MAGI3: variants seen among roughly 807,000 people sequenced by gnomAD.
MAGI3 encodes the protein membrane associated guanylate kinase, WW and PDZ domain containing 3, also known as membrane-associated guanylate kinase, WW and PDZ domain-containing protein 3.
In MAGI3, 43 loss-of-function variants were observed where a neutral mutation model predicts 121.8. That is an observed-to-expected ratio of 0.35 (90% CI 0.28 to 0.46). The LOEUF is 0.46. Ranked by LOEUF, MAGI3 falls within the 20% of genes least tolerant of loss-of-function variation. The pLI is 1.00. For missense variants in MAGI3, 1,547 were observed against 1,797.3 expected, an observed-to-expected ratio of 0.86 and a Z score of 2.52; for synonymous variants, 553 against 639.3, an observed-to-expected ratio of 0.86 and a Z score of 2.04.
chr1:113,508,868 C>T (rs1657475085), intron 1 of MAGI3, among the ~76,000 whole-genome samples: 1 of 151,898 alleles, frequency 6.6e-6, no homozygotes, highest in South Asian at 2.1e-4. Context: ...TTGGATGTTG[C>T]CATTGCTGTT....
In MAGI3 at chr1:113,559,549, C is replaced by G. The variant is rs563253764; in HGVS notation, c.433+9918C>G. On this transcript the variant is annotated intron_variant, in intron 2 of 20. Transcript: ENST00000307546. ...TATATATGCTCCCGATACAGGAGCACCCAGATTCATAAAGTTCCTTTTTTT... is the reference window on the plus strand; with the variant it reads ...TATATATGCTCCCGATACAGGAGCAGCCAGATTCATAAAGTTCCTTTTTTT... Among the ~76,000 whole-genome samples, 19 of 152,136 alleles carry G rather than the reference C, an allele frequency of 1.2e-4. No homozygotes were observed. In the South Asian group the frequency reaches 4.0e-3, roughly 32 times the overall value.
At chr1:113,434,926 T>C (rs556900938) in intron 1 of MAGI3, among the ~76,000 whole-genome samples, 6 of 152,322 alleles carry the variant, frequency 3.9e-5, no homozygotes, top group African/African-American at 1.4e-4. Flanking sequence ...CCCCAAACCA[T>C]TTTTTATCCA....
At chr1:113,631,808 G>A (rs1034938885) in intron 9 of MAGI3, among the ~76,000 whole-genome samples, 21 of 152,154 alleles carry the variant, frequency 1.4e-4, no homozygotes, top group African/African-American at 4.6e-4. Context: ...TTTTTACAAA[G>A]TAGTGTAAAC....
At chr1:113,519,010 C>T (rs1011771595) in intron 1 of MAGI3, among the ~76,000 whole-genome samples, 1 of 152,096 alleles carries the variant, frequency 6.6e-6, no homozygotes, top group Non-Finnish European at 1.5e-5. Flanking sequence ...CTACGAACTA[C>T]ACATTATTTT....
chr1:113,614,546 A>T, intron 6 of MAGI3, 55 bp from the exon 7 acceptor site: 1 of 1,304,460 alleles, frequency 7.7e-7, no homozygotes, highest in Non-Finnish European at 1.1e-6. Context: ...TCACTGGTGA[A>T]TTCTTTTCTG....
Position 113,649,271 on chromosome 1 carries a change from AAAAC to A in MAGI3, c.2193_2196del (p.Gln732SerfsTer9). On this transcript the variant is annotated frameshift_variant, in exon 13 of 21. Coordinates refer to ENST00000307546, the MANE Select transcript of MAGI3 (RefSeq NM_001142782.2). LOFTEE classifies it high-confidence loss of function. ...CCAAAGATTTGGATGTTTTTCTTCGAAAACAAGAGTCAGGGTTTGGCTTCAGGGT... is the reference window on the plus strand; with the variant it reads ...CCAAAGATTTGGATGTTTTTCTTCGAAAGAGTCAGGGTTTGGCTTCAGGGT... The A allele has an allele frequency of 6.2e-7, 1 of 1,613,606 alleles. No individual in the cohort carries two copies. The highest frequency in any genetic ancestry group is 8.5e-7 in the Non-Finnish European group (1 of 1,179,800).
At chr1:113,441,543 A>G (rs556875432) in intron 1 of MAGI3, among the ~76,000 whole-genome samples, 1 of 152,302 alleles carries the variant, frequency 6.6e-6, no homozygotes, top group Non-Finnish European at 1.5e-5. Context: ...TGAGATCTAT[A>G]AAATACCACT....
intron 1 of MAGI3, among the ~76,000 whole-genome samples, chr1:113,513,851 A>G (rs1478331915): frequency 2.0e-5 from 3 of 152,224 alleles, no homozygotes; most frequent in Non-Finnish European, 2.9e-5. Context: ...AGCCTACAAA[A>G]CAGGAGAAAA....
At chr1:113,476,817 T>C (rs1655845788) in intron 1 of MAGI3, among the ~76,000 whole-genome samples, 1 of 152,196 alleles carries the variant, frequency 6.6e-6, no homozygotes, top group African/African-American at 2.4e-5. Flanking sequence ...ATATTGACAG[T>C]GGGGTGTTAA....
intron 12 of MAGI3, among the ~76,000 whole-genome samples, chr1:113,647,113 A>T (rs1652892127): frequency 6.6e-6 from 1 of 152,246 alleles, no homozygotes; most frequent in Non-Finnish European, 1.5e-5. Context: ...GCTTTAACTA[A>T]GTCATCAGGG....
chr1:113,517,772 A>G (rs1368228697), intron 1 of MAGI3, among the ~76,000 whole-genome samples: 3 of 151,920 alleles, frequency 2.0e-5, no homozygotes, highest in African/African-American at 4.8e-5. Flanking sequence ...GTCCCATAAC[A>G]TGTCAAATTC....
At chr1:113,400,222 G>C (rs571040248) in intron 1 of MAGI3, among the ~76,000 whole-genome samples, 2 of 151,954 alleles carry the variant, frequency 1.3e-5, no homozygotes, top group Non-Finnish European at 2.9e-5. Flanking sequence ...GAGAGGGGTG[G>C]GTGCTCCAAA....
At position 113,570,874 on chromosome 1, in the gene MAGI3, T is replaced by C. The variant is rs1020677374; in HGVS notation, c.434-9668T>C. Among the ~76,000 whole-genome samples, 3 of 152,360 alleles carry C rather than the reference T, an allele frequency of 2.0e-5. No individual in the cohort carries two copies. In the East Asian group the frequency reaches 5.8e-4, roughly 29 times the overall value. On this transcript the variant is annotated intron_variant, in intron 2 of 20. Transcript: ENST00000307546. ...TCACTCTGATGATAGTTTCTTTTGC[T>C]GTGCAGAAGCTCTTTAGTTTAATTA...
In MAGI3 at chr1:113,658,872, T is replaced by C. The variant is rs937458387; in HGVS notation, c.2630-208T>C. 3.9e-5 allele frequency among the ~76,000 whole-genome samples: 6 copies of C among 152,206 alleles called. No homozygotes were observed. The highest frequency in any genetic ancestry group is 1.4e-4 in the African/African-American group (6 of 41,464). On this transcript the variant is annotated intron_variant, in intron 15 of 20. Coordinates refer to ENST00000307546, the MANE Select transcript of MAGI3 (RefSeq NM_001142782.2). This position sits in a 1 kb window ranked among gnomAD's most constrained non-coding sequence, Gnocchi z 4.0. ...GAGGTTTATATGCTATGATTACAAC[T>C]GTGTAAAGAGTATTTATGCATGTGG...
intron 1 of MAGI3, among the ~76,000 whole-genome samples, chr1:113,416,602 G>A (rs1652465374): frequency 6.7e-6 from 1 of 148,956 alleles, no homozygotes; most frequent in Admixed American, 6.9e-5. Flanking sequence ...TCCCAGGATA[G>A]GTAGAACTGA....
chr1:113,526,721 C>A (rs1351665113), intron 1 of MAGI3, among the ~76,000 whole-genome samples: 1 of 152,120 alleles, frequency 6.6e-6, no homozygotes, highest in Non-Finnish European at 1.5e-5. Context: ...AGTTAGGAAG[C>A]TGTTGGCTCA....
intron 1 of MAGI3, among the ~76,000 whole-genome samples, chr1:113,543,566 T>C (rs1434809929): frequency 6.6e-6 from 1 of 152,070 alleles, no homozygotes; most frequent in Non-Finnish European, 1.5e-5. Context: ...AATGAATAGT[T>C]AAAAATACAA....
At chr1:113,660,983 C>T (rs186630583) in intron 16 of MAGI3, among the ~76,000 whole-genome samples, 10 of 152,142 alleles carry the variant, frequency 6.6e-5, no homozygotes, top group Admixed American at 2.0e-4. Context: ...GTTCTGAGGG[C>T]TTCTGTCCCA....
At chr1:113,637,784 T>C (rs1652139683) in intron 9 of MAGI3, among the ~76,000 whole-genome samples, 1 of 152,254 alleles carries the variant, frequency 6.6e-6, no homozygotes, top group South Asian at 2.1e-4. Context: ...CCTGCCTTGC[T>C]AGGTTGGGGA....
Sources: allele counts gnomAD v4.1 joint callset (sites outside exome capture counted in the v4.1 genomes callset), GRCh38; gene constraint gnomAD v4.1.1; non-coding constraint Gnocchi (gnomAD v3.1); transcripts MANE v1.5; gene names NCBI Gene and HGNC (gene_info 2026-07-23, HGNC 2026-07-21).